The following PRIM1 variants were observed in gnomAD, a reference collection of about 807,000 sequenced individuals.
PRIM1 encodes DNA primase small subunit.
In PRIM1, 38 loss-of-function variants were observed where a neutral mutation model predicts 60.2. The observed-to-expected ratio is 0.63, with a 90% CI of 0.49 to 0.83. The LOEUF (loss-of-function observed/expected upper bound fraction) is 0.83. Among genes scored for constraint, PRIM1 ranks in the 40% least tolerant of loss-of-function variants. PRIM1 has a pLI of 0.00. For missense variants in PRIM1, 388 were observed against 506.2 expected (o/e 0.77, Z 2.24); for synonymous variants, 158 against 160.2 (o/e 0.99, Z 0.10).
chr12:56,745,760 G>A (rs141865734), intron 5 of PRIM1, among the ~76,000 whole-genome samples: 9 of 151,996 alleles, frequency 5.9e-5, no homozygotes, highest in Non-Finnish European at 1.0e-4. Context: ...CCAACATGGC[G>A]AAACCCAGTC....
At chr12:56,735,800 G>A (rs1021279831) in intron 11 of PRIM1, among the ~76,000 whole-genome samples, 7 of 151,064 alleles carry the variant, frequency 4.6e-5, no homozygotes, top group African/African-American at 7.3e-5. Flanking sequence ...ATAGGCGCCC[G>A]CCACGACGCC....
intron 11 of PRIM1, 108 bp downstream of exon 11, chr12:56,738,326 A>C (rs1163177061): frequency 2.1e-6 from 3 of 1,424,366 alleles, no homozygotes; most frequent in Non-Finnish European, 2.8e-6. Context: ...GTTCCAGGAC[A>C]AATGCTGATC....
intron 1 of PRIM1, chr12:56,751,914 A>G (rs548502267): frequency 5.0e-6 from 1 of 199,926 alleles, no homozygotes; most frequent in Admixed American, 6.1e-5. Flanking sequence ...GCTGCAGGTA[A>G]ACGGGGCACC....
chr12:56,733,661 C>T (rs1953801313), intron 12 of PRIM1, among the ~76,000 whole-genome samples: 1 of 151,148 alleles, frequency 6.6e-6, no homozygotes, highest in Non-Finnish European at 1.5e-5. Context: ...GTGATCTCAG[C>T]TCACTGCAAC....
chr12:56,732,285 G>A (rs1370098148), intron 12 of PRIM1, among the ~76,000 whole-genome samples: 1 of 151,954 alleles, frequency 6.6e-6, no homozygotes, highest in African/African-American at 2.4e-5. Context: ...GTTTCCTACT[G>A]TACCTGACAC....
intron 11 of PRIM1, among the ~76,000 whole-genome samples, chr12:56,735,385 A>AC (rs1953819737): frequency 2.6e-5 from 4 of 152,066 alleles, no homozygotes; most frequent in Admixed American, 6.6e-5. Context: ...GGCGTGAGCC[A>AC]CCGTGCCCGG....
At chr12:56,751,357 G>A in intron 1 of PRIM1, 162 bp from the exon 2 acceptor site, 2 of 462,570 alleles carry the variant, frequency 4.3e-6, no homozygotes, top group Non-Finnish European at 7.5e-6. Flanking sequence ...AAGGCTCACT[G>A]CAACCTCCGC....
chr12:56,742,305 C>T (rs373458999), intron 7 of PRIM1, among the ~76,000 whole-genome samples: 3 of 145,632 alleles, frequency 2.1e-5, no homozygotes, highest in South Asian at 4.4e-4. Flanking sequence ...TGTATCCGGC[C>T]GGGCACAGTG....
At chr12:56,743,569 T>C (rs1953887167) in intron 6 of PRIM1, 1 of 156,538 alleles carries the variant, frequency 6.4e-6, no homozygotes, top group Non-Finnish European at 1.4e-5. Flanking sequence ...GTGCATGCTG[T>C]TCTCCCCATC....
chr12:56,750,933 A>T, intron 2 of PRIM1, 105 bp downstream of exon 2: 1 of 785,984 alleles, frequency 1.3e-6, no homozygotes. Context: ...GTGGCTTTTC[A>T]TCTAGAATAA....
intron 12 of PRIM1, among the ~76,000 whole-genome samples, chr12:56,733,474 T>C (rs1330935907): frequency 6.8e-6 from 1 of 147,516 alleles, no homozygotes; most frequent in Non-Finnish European, 1.5e-5. Context: ...TTAGAATTCT[T>C]ACAGCAGCTA....
chr12:56,746,789 GCT>G lies in PRIM1; in HGVS notation c.432_433del (p.Arg144SerfsTer9). ...AAACTGCTGATACTTGCCCTTCAAT[GCT>G]CTGTCAATGATGCGTATGGCCATTG... On this transcript the variant is annotated frameshift_variant, in exon 4 of 13. Transcript: ENST00000338193. LOFTEE classifies it high-confidence loss of function. The G allele has an allele frequency of 1.2e-6, 2 of 1,613,728 alleles. No homozygotes were observed. The highest frequency in any genetic ancestry group is 8.5e-7 in the Non-Finnish European group (1 of 1,179,812).
chr12:56,752,154 T>G (rs1257457820), intron 1 of PRIM1, 42 bp downstream of exon 1: 74 of 1,425,730 alleles, frequency 5.2e-5, no homozygotes, highest in Non-Finnish European at 7.0e-5. Flanking sequence ...GCCTCCAACC[T>G]CCTCACACTC....
At chr12:56,750,379 G>C (rs1953937572) in intron 2 of PRIM1, among the ~76,000 whole-genome samples, 1 of 150,888 alleles carries the variant, frequency 6.6e-6, no homozygotes, top group Non-Finnish European at 1.5e-5. Context: ...AATAGAATGG[G>C]TATGGGAATG....
At chr12:56,749,687 A>T (rs750539945) in intron 2 of PRIM1, among the ~76,000 whole-genome samples, 5 of 152,296 alleles carry the variant, frequency 3.3e-5, no homozygotes, top group Non-Finnish European at 7.3e-5. Context: ...TATCATTTAG[A>T]AATTGTGTGT....
chr12:56,744,124 C>G lies in PRIM1; in HGVS notation c.580-1G>C. 2 of 1,552,246 alleles carry G rather than the reference C, an allele frequency of 1.3e-6. No homozygotes were observed. The highest frequency in any genetic ancestry group is 1.7e-6 in the Non-Finnish European group (2 of 1,143,970). On this transcript the variant is annotated splice_acceptor_variant, in intron 5 of 12. Transcript: ENST00000338193. LOFTEE classifies it high-confidence loss of function. ...CTTTCTTTTTAACGTCTTGACCACC[C>G]TGAAAAATAAATCATTAAAAAAGAA...
At chr12:56,738,113 GA>G (rs1472957345) in intron 11 of PRIM1, among the ~76,000 whole-genome samples, 1 of 151,964 alleles carries the variant, frequency 6.6e-6, no homozygotes, top group East Asian at 1.9e-4. Flanking sequence ...CAGAAACAAA[GA>G]AAAAAAGTAC....
chr12:56,743,434 C>T (rs1953885876), intron 6 of PRIM1: 1 of 169,804 alleles, frequency 5.9e-6, no homozygotes, highest in Non-Finnish European at 1.2e-5. Flanking sequence ...TGGGATGCAG[C>T]CTACACTTTC....
At position 56,746,673 on chromosome 12, in the gene PRIM1, CACAAAT is replaced by C. The variant is rs779934370; in HGVS notation, c.442+102_442+107del. 101 of 562,244 alleles carry C rather than the reference CACAAAT, an allele frequency of 1.8e-4. 3 individuals are homozygous for C. Among genetic ancestry groups the C allele is most frequent in the South Asian group, 5.1e-4 (22 of 42,970 alleles). The allele number at this position is 562,244 out of a possible 1,614,324, so 34.8% of individuals were successfully genotyped here. On this transcript the variant is annotated intron_variant, in intron 4 of 12. Coordinates refer to ENST00000338193, the MANE Select transcript of PRIM1 (RefSeq NM_000946.3). ...ACACACACACACACACACACACACA[CACAAAT>C]TAATGAGATTTGATCACAAAATACA...
Sources: gnomAD v4.1 joint callset for allele counts (sites outside exome capture counted in the v4.1 genomes callset) on GRCh38, gnomAD v4.1.1 for gene constraint, MANE v1.5 for transcripts, NCBI Gene and HGNC (gene_info 2026-07-23, HGNC 2026-07-21) for gene names.